The following ABCB9 variants were observed in gnomAD, a reference collection of about 807,000 sequenced individuals.
ABCB9 encodes the protein ABC-type oligopeptide transporter ABCB9.
In ABCB9, 36 loss-of-function variants were observed where a neutral mutation model predicts 62.0. That is an observed-to-expected ratio of 0.58 (90% CI 0.45 to 0.77). The LOEUF (loss-of-function observed/expected upper bound fraction) is 0.77. Ranked by LOEUF, ABCB9 falls within the 30% of genes least tolerant of loss-of-function variation. The probability of loss-of-function intolerance (pLI) is 0.00; values close to 1 mark genes in which losing one functional copy is unlikely to be tolerated. For synonymous variants in ABCB9, 435 were observed against 461.4 expected, an observed-to-expected ratio of 0.94 and a Z score of 0.73; for missense variants, 943 against 1,054.7, an observed-to-expected ratio of 0.89 and a Z score of 1.47.
At position 122,959,880 on chromosome 12, in the gene ABCB9, A is replaced by G; in HGVS notation, c.356T>C (p.Leu119Pro). 1 of 1,613,572 alleles carries G rather than the reference A, an allele frequency of 6.2e-7. No individual in the cohort carries two copies. The change falls in exon 2 of 12, where the codon CTG (leucine) becomes CCG (proline). Residue 119 changes from leucine (L) to proline (P), a missense_variant. Transcript: ENST00000280560. This position sits in a 1 kb window ranked among gnomAD's most constrained non-coding sequence, Gnocchi z 5.4. ...RPIRDPWFWALFVWTYISLGA... is the reference protein window; with the variant it reads ...RPIRDPWFWAPFVWTYISLGA... Reference sequence around the variant, plus strand: ...GAGTGAAATGTACGTCCACACGAACAGGGCCCAAAACCAGGGGTCCCGGAT... The same window carrying G: ...GAGTGAAATGTACGTCCACACGAACGGGGCCCAAAACCAGGGGTCCCGGAT...
At chr12:122,946,487 T>C (rs2036053311) in intron 5 of ABCB9, 1 of 517,024 alleles carries the variant, frequency 1.9e-6, no homozygotes, top group Admixed American at 3.2e-5. Flanking sequence ...GATCGTTAAG[T>C]CATCCCCAGT....
chr12:122,923,568 C>G (rs1285090132), intron 11 of ABCB9, among the ~76,000 whole-genome samples: 2 of 152,176 alleles, frequency 1.3e-5, no homozygotes, highest in Non-Finnish European at 2.9e-5. Context: ...GGATTACAGA[C>G]ATGAGCCAGG....
rs550249945 is a variant in ABCB9, at chr12:122,937,517, G to C, written c.1744-2086C>G. Among the ~76,000 whole-genome samples the C allele has an allele frequency of 3.9e-5, 6 of 152,272 alleles. No individual in the cohort carries two copies. In the East Asian group the frequency reaches 1.2e-3, roughly 29 times the overall value. On this transcript the variant is annotated intron_variant, in intron 9 of 11. Transcript: ENST00000280560. ...ATAAGCTACCACTACATTCTCACCA[G>C]TTAGCAAAAATTCAGGACTGACAAT...
Position 122,947,742 on chromosome 12 carries a change from TGATGGCATCACAGCGGGCCCGC to T in ABCB9, c.1053+860_1053+881del, listed in dbSNP as rs67354229. On this transcript the variant is annotated intron_variant, in intron 5 of 11. Transcript: ENST00000280560. The surrounding 1 kb of genome is among the most constrained non-coding windows in gnomAD (Gnocchi z 6.0). ...GCCAGAGGGGACAGCAGCCTGCCCA[TGATGGCATCACAGCGGGCCCGC>T]GATGGCATCACAGCGGGCCCGCACC... 43,711 of 221,188 alleles carry T rather than the reference TGATGGCATCACAGCGGGCCCGC, an allele frequency of 0.2. 9,059 individuals carry two copies. The highest frequency in any genetic ancestry group is 0.59 in the African/African-American group (25,859 of 43,596). The allele number at this position is 221,188 out of a possible 1,614,324, so 13.7% of individuals were successfully genotyped here. A position where few individuals can be genotyped will look rare whatever the true frequency, so the allele number is the denominator to read the frequency against.
chr12:122,936,692 G>C (rs940983996), intron 9 of ABCB9, among the ~76,000 whole-genome samples: 2 of 151,946 alleles, frequency 1.3e-5, no homozygotes, highest in African/African-American at 4.8e-5. Flanking sequence ...ATCACCTGAG[G>C]TCAAGAGTTT....
chr12:122,965,085 C>A (rs1468988070), intron 1 of ABCB9, among the ~76,000 whole-genome samples: 1 of 152,190 alleles, frequency 6.6e-6, no homozygotes, highest in Non-Finnish European at 1.5e-5. Context: ...CTGGCACCTC[C>A]CAAAGCAGCC....
chr12:122,949,087 C>T (rs534986089), intron 4 of ABCB9: 5 of 329,394 alleles, frequency 1.5e-5, no homozygotes, highest in African/African-American at 4.3e-5. Context: ...GGAAGGCCCC[C>T]GTAGAGTCAC....
rs570509913 is a variant in ABCB9 at position 122,961,672 on chromosome 12, T to C, written c.-87-1350A>G. ...CCCTTGGGAAGGCAGCAAGGCCCCA[T>C]GAGATCAGAGAGGGTGGGGAGTATC... On this transcript the variant is annotated intron_variant, in intron 1 of 11. Transcript: ENST00000280560. 3.3e-5 allele frequency among the ~76,000 whole-genome samples: 5 copies of C among 152,068 alleles called. No homozygotes were observed. In the East Asian group the frequency reaches 9.7e-4, roughly 29 times the overall value.
chr12:122,969,363 C>T (rs1193324813), upstream of ABCB9, among the ~76,000 whole-genome samples: 1 of 152,190 alleles, frequency 6.6e-6, no homozygotes, highest in African/African-American at 2.4e-5. Context: ...GTGATGGTTG[C>T]ACAACTCTGT....
intron 2 of ABCB9, chr12:122,950,831 C>T (rs890717253): frequency 7.4e-6 from 3 of 404,856 alleles, no homozygotes; most frequent in African/African-American, 4.0e-5. Context: ...CGAGCCAGGG[C>T]TCCTGCAGGA....
intron 9 of ABCB9, among the ~76,000 whole-genome samples, chr12:122,936,977 T>C (rs977053783): frequency 6.6e-6 from 1 of 150,824 alleles, no homozygotes; most frequent in Non-Finnish European, 1.5e-5. Flanking sequence ...TGTGGGAGGA[T>C]TGCTTGAGCC....
upstream of ABCB9, among the ~76,000 whole-genome samples, chr12:122,970,553 G>C (rs569141197): frequency 6.6e-6 from 1 of 152,114 alleles, no homozygotes; most frequent in Non-Finnish European, 1.5e-5. Context: ...CAGCCTGGAA[G>C]CTTTATTCTA....
upstream of ABCB9, among the ~76,000 whole-genome samples, chr12:122,971,386 CAA>C (rs1325058090): frequency 0.084 from 4,523 of 53,738 alleles, 167 homozygotes; most frequent in African/African-American, 0.22. Flanking sequence ...GACTCCATCT[CAA>C]AAAAAAAAAA....
chr12:122,954,844 C>A (rs2036544951), intron 2 of ABCB9, among the ~76,000 whole-genome samples: 1 of 152,164 alleles, frequency 6.6e-6, no homozygotes, highest in Non-Finnish European at 1.5e-5. Flanking sequence ...ACTAACATTT[C>A]CCAATGGGTG....
At chr12:122,925,512 G>T (rs1267848934), downstream of ABCB9, among the ~76,000 whole-genome samples, 1 of 152,174 alleles carries the variant, frequency 6.6e-6, no homozygotes, top group Non-Finnish European at 1.5e-5. Flanking sequence ...ACTTTGGGAG[G>T]CCGAGATGGG....
Position 122,959,806 on chromosome 12 carries a change from T to C in ABCB9, c.430A>G (p.Thr144Ala). ...GCCGCCCCTGGCTCCAGGGCCTGGG[T>C]GCCTGGCCGCACGGTGGACAGCAGC... ...WWLLSTVRPG[T>A]QALEPGAATE... is the part of the protein sequence containing the mutation. The change falls in exon 2 of 12, where the codon ACC becomes GCC. Residue 144 changes from threonine (T) to alanine (A), a missense_variant. By Grantham distance (58) the Thr-to-Ala change is moderately conservative (BLOSUM62 0). Coordinates refer to ENST00000280560, the MANE Select transcript of ABCB9 (RefSeq NM_019625.4). The surrounding 1 kb of genome is among the most constrained non-coding windows in gnomAD (Gnocchi z 5.4). 1 of 1,612,318 alleles carries C rather than the reference T, an allele frequency of 6.2e-7. No individual in the cohort carries two copies. The highest frequency in any genetic ancestry group is 8.5e-7 in the Non-Finnish European group (1 of 1,179,522).
At chr12:122,962,070 TC>T (rs917214885) in intron 1 of ABCB9, among the ~76,000 whole-genome samples, 4 of 152,184 alleles carry the variant, frequency 2.6e-5, no homozygotes, top group Admixed American at 6.5e-5. Flanking sequence ...CAGAATCTTT[TC>T]CTCCTGCCCA....
At chr12:122,928,879 G>A (rs2034988200), downstream of ABCB9, 1 of 459,998 alleles carries the variant, frequency 2.2e-6, no homozygotes, top group South Asian at 9.2e-5. Context: ...GGAGGCCCTG[G>A]ACCACCCAAA....
At position 122,943,048 on chromosome 12, in the gene ABCB9, C is replaced by T. The variant is rs546294113; in HGVS notation, c.1380+1343G>A. Among the ~76,000 whole-genome samples the T allele has an allele frequency of 2.6e-5, 4 of 152,272 alleles. No homozygotes were observed. In the East Asian group the frequency reaches 5.8e-4, roughly 22 times the overall value. On this transcript the variant is annotated intron_variant, in intron 7 of 11. Transcript: ENST00000280560. ...CAAAGGCCCAATCTCTTACTGCCTGCGGGCTGCGGGCTTTTTTGTGGGAGC... is the reference window on the plus strand; with the variant it reads ...CAAAGGCCCAATCTCTTACTGCCTGTGGGCTGCGGGCTTTTTTGTGGGAGC...
Sources: allele counts gnomAD v4.1 joint callset (sites outside exome capture counted in the v4.1 genomes callset), GRCh38; gene constraint gnomAD v4.1.1; non-coding constraint Gnocchi (gnomAD v3.1); transcripts MANE v1.5; gene names NCBI Gene and HGNC (gene_info 2026-07-23, HGNC 2026-07-21).